Variants in RFX4 observed in about 807,000 individuals in gnomAD.
RFX4 encodes the protein transcription factor RFX4.
RFX4 carries 10 observed loss-of-function variants against 95.0 expected under a neutral mutation model. The ratio of observed to expected loss-of-function variants is 0.11; its 90% CI spans 0.06 to 0.18. RFX4 has a LOEUF of 0.18. Among genes scored for constraint, RFX4 ranks in the 10% least tolerant of loss-of-function variants. The pLI is 1.00. For missense variants in RFX4, 640 were observed against 922.0 expected, an observed-to-expected ratio of 0.69 and a Z score of 3.96; for synonymous variants, 321 against 340.7, an observed-to-expected ratio of 0.94 and a Z score of 0.64.
rs188773770 is a variant in RFX4, at chr12:106,730,956, C to T, written c.1352-1174C>T. 2.3e-3 allele frequency among the ~76,000 whole-genome samples: 347 copies of T among 152,070 alleles called. 1 individual carries two copies. The highest frequency in any genetic ancestry group is 7.6e-3 in the African/African-American group (315 of 41,484). On this transcript the variant is annotated intron_variant, in intron 13 of 17. Coordinates refer to ENST00000392842, the MANE Select transcript of RFX4 (RefSeq NM_213594.3). ...CAGAGGCTGCAGTGAGTCAAGACAGCGCCAATGCACTCCAGCCTGGGCAAG... is the reference window on the plus strand; with the variant it reads ...CAGAGGCTGCAGTGAGTCAAGACAGTGCCAATGCACTCCAGCCTGGGCAAG...
chr12:106,712,695 T>C (rs1413120678), intron 10 of RFX4, among the ~76,000 whole-genome samples: 1 of 152,148 alleles, frequency 6.6e-6, no homozygotes, highest in Non-Finnish European at 1.5e-5. Flanking sequence ...TGCAGGCTGC[T>C]ACAGAGGCTA....
intron 16 of RFX4, among the ~76,000 whole-genome samples, chr12:106,748,869 G>A (rs1780890407): frequency 6.6e-6 from 1 of 152,074 alleles, no homozygotes; most frequent in African/African-American, 2.4e-5. Flanking sequence ...GGTGGATCAC[G>A]AGGTCAGGAG....
intron 1 of RFX4, chr12:106,583,708 C>G (rs1353639627): frequency 4.9e-6 from 1 of 204,292 alleles, no homozygotes; most frequent in African/African-American, 2.3e-5. Flanking sequence ...AGCCGACCGC[C>G]CCCTCCCGGA....
Position 106,761,556 on chromosome 12 carries a change from T to C in RFX4, c.*87T>C, listed in dbSNP as rs1435805813. On this transcript the variant is annotated 3_prime_UTR_variant, in exon 18 of 18. Coordinates refer to ENST00000392842, the MANE Select transcript of RFX4 (RefSeq NM_213594.3). Reference sequence around the variant, plus strand: ...AACACCCATCCCCCAGAAGACTTTATCTCTATACATTGTAACTCATGGGCT... The same window carrying C: ...AACACCCATCCCCCAGAAGACTTTACCTCTATACATTGTAACTCATGGGCT... 1 of 1,012,086 alleles carries C rather than the reference T, an allele frequency of 9.9e-7. No individual in the cohort carries two copies. The highest frequency in any genetic ancestry group is 3.7e-5 in the East Asian group (1 of 27,144). The allele number at this position is 1,012,086 out of a possible 1,614,324, so 62.7% of individuals were successfully genotyped here. A position where few individuals can be genotyped will look rare whatever the true frequency, so the allele number is the denominator to read the frequency against.
chr12:106,737,809 C>A (rs1274034352), intron 15 of RFX4, among the ~76,000 whole-genome samples: 1 of 152,098 alleles, frequency 6.6e-6, no homozygotes, highest in African/African-American at 2.4e-5. Context: ...AGCTAGAGAG[C>A]CCTCTTCTGT....
At chr12:106,607,698 G>A (rs189361768) in intron 1 of RFX4, among the ~76,000 whole-genome samples, 5 of 152,224 alleles carry the variant, frequency 3.3e-5, no homozygotes, top group East Asian at 1.9e-4. Flanking sequence ...GCATTGGGAC[G>A]CATTTGTTTT....
intron 10 of RFX4, among the ~76,000 whole-genome samples, chr12:106,713,762 G>C (rs1383419335): frequency 6.6e-6 from 1 of 152,110 alleles, no homozygotes. Context: ...GATGGTTAGA[G>C]ACACTATTAA....
intron 2 of RFX4, among the ~76,000 whole-genome samples, chr12:106,622,628 T>C (rs2137239651): frequency 6.6e-6 from 1 of 151,432 alleles, no homozygotes; most frequent in South Asian, 2.1e-4. Context: ...CTGCATTTTT[T>C]TTTTTTTTTT....
At chr12:106,594,802 T>A (rs1374965075) in intron 1 of RFX4, among the ~76,000 whole-genome samples, 2 of 141,940 alleles carry the variant, frequency 1.4e-5, no homozygotes, top group African/African-American at 2.6e-5. Context: ...TGAGAGGGAT[T>A]AAAAAAAAAA....
chr12:106,653,045 T>C (rs2040885446), intron 3 of RFX4, among the ~76,000 whole-genome samples: 2 of 152,186 alleles, frequency 1.3e-5, no homozygotes, highest in Admixed American at 1.3e-4. Context: ...GGAGAAATGT[T>C]TCCTGTTGGT....
At chr12:106,644,089 T>C (rs376686313) in intron 3 of RFX4, among the ~76,000 whole-genome samples, 1 of 152,210 alleles carries the variant, frequency 6.6e-6, no homozygotes, top group Non-Finnish European at 1.5e-5. Flanking sequence ...CAACCTGTTA[T>C]GCTGTATTGA....
chr12:106,734,629 C>T (rs966495793), intron 15 of RFX4, among the ~76,000 whole-genome samples: 1 of 151,112 alleles, frequency 6.6e-6, no homozygotes, highest in African/African-American at 2.4e-5. Flanking sequence ...ATATATATTA[C>T]CACAATTAAA....
At chr12:106,609,328 A>C (rs180731651) in intron 2 of RFX4, among the ~76,000 whole-genome samples, 2 of 152,284 alleles carry the variant, frequency 1.3e-5, no homozygotes, top group Admixed American at 1.3e-4. Flanking sequence ...TGGACTAGAG[A>C]GCTAGAGTTA....
At chr12:106,604,311 G>T (rs967656871) in intron 1 of RFX4, among the ~76,000 whole-genome samples, 5 of 151,568 alleles carry the variant, frequency 3.3e-5, no homozygotes, top group Admixed American at 6.6e-5. Context: ...TAGTAGAGAC[G>T]GGGTTTCGCC....
At chr12:106,668,932 A>C (rs1039229239) in intron 4 of RFX4, among the ~76,000 whole-genome samples, 1 of 152,218 alleles carries the variant, frequency 6.6e-6, no homozygotes. Flanking sequence ...ATATAGTGTA[A>C]TTTGAATATG....
At chr12:106,710,965 T>C (rs2042181370) in intron 9 of RFX4, among the ~76,000 whole-genome samples, 1 of 152,208 alleles carries the variant, frequency 6.6e-6, no homozygotes, top group Admixed American at 6.5e-5. Context: ...GGACAGATTA[T>C]GAATGCAAAG....
chr12:106,641,066 C>G (rs969274175), intron 3 of RFX4, among the ~76,000 whole-genome samples: 3 of 152,162 alleles, frequency 2.0e-5, no homozygotes, highest in Non-Finnish European at 4.4e-5. Flanking sequence ...CAGGTGTAAG[C>G]CACCATGCCT....
chr12:106,639,143 A>G (rs182933364), intron 2 of RFX4, among the ~76,000 whole-genome samples, 189 bp from the exon 3 acceptor site: 2 of 152,378 alleles, frequency 1.3e-5, no homozygotes, highest in Admixed American at 6.5e-5. Context: ...GTTTTAAAAT[A>G]AAAGTCAATT....
At chr12:106,760,926 CTT>C (rs2043198039) in intron 17 of RFX4, among the ~76,000 whole-genome samples, 1 of 152,034 alleles carries the variant, frequency 6.6e-6, no homozygotes, top group East Asian at 1.9e-4. Flanking sequence ...TTGGGTTTGA[CTT>C]CCCAAGATAT....
Sources: allele counts gnomAD v4.1 joint callset (sites outside exome capture counted in the v4.1 genomes callset), GRCh38; gene constraint gnomAD v4.1.1; transcripts MANE v1.5; gene names NCBI Gene and HGNC (gene_info 2026-07-23, HGNC 2026-07-21).